ENTREP2: variants seen among roughly 807,000 people sequenced by gnomAD.
The protein encoded by ENTREP2 is endosomal transmembrane epsin interactor 2, also known as protein ENTREP2.
chr15:29,497,220 G>GT, the ENTREP2 span, among the ~76,000 whole-genome samples: 1 of 152,120 alleles, frequency 6.6e-6, no homozygotes, highest in African/African-American at 2.4e-5. Flanking sequence ...CTCCAAAACT[G>GT]TAAGAAATTA....
the ENTREP2 span, among the ~76,000 whole-genome samples, chr15:29,671,671 G>T: frequency 1.3e-5 from 2 of 152,134 alleles, no homozygotes; most frequent in East Asian, 1.9e-4. Context: ...TTACTCATCT[G>T]GGTCCCAATG....
the ENTREP2 span, among the ~76,000 whole-genome samples, chr15:29,318,289 G>A: frequency 6.6e-6 from 1 of 151,196 alleles, no homozygotes; most frequent in East Asian, 1.9e-4. Flanking sequence ...TAGCAATGAA[G>A]TATTTTTAAA....
chr15:29,540,569 C>T, the ENTREP2 span, among the ~76,000 whole-genome samples: 11 of 152,282 alleles, frequency 7.2e-5, no homozygotes, highest in East Asian at 9.7e-4. Flanking sequence ...GTAGACATAC[C>T]GCTAACTTTA....
At chr15:29,158,446 C>T in the ENTREP2 span, among the ~76,000 whole-genome samples, 2 of 148,046 alleles carry the variant, frequency 1.4e-5, no homozygotes, top group Non-Finnish European at 2.9e-5. Context: ...CACTCTTTCG[C>T]CCAGGCTGGA....
At chr15:29,249,977 C>T in the ENTREP2 span, among the ~76,000 whole-genome samples, 32 of 152,142 alleles carry the variant, frequency 2.1e-4, no homozygotes, top group African/African-American at 7.7e-4. Flanking sequence ...CCCTCACTAT[C>T]ATGAGGGCAG....
chr15:29,636,441 C>T, the ENTREP2 span, among the ~76,000 whole-genome samples: 23 of 152,174 alleles, frequency 1.5e-4, no homozygotes, highest in African/African-American at 3.6e-4. Flanking sequence ...CATCAGAGGC[C>T]GCCCTGCAGC....
the ENTREP2 span, among the ~76,000 whole-genome samples, chr15:29,643,736 G>A: frequency 6.6e-6 from 1 of 150,846 alleles, no homozygotes; most frequent in African/African-American, 2.4e-5. Context: ...AGCCAAGATG[G>A]GGCCACTGCA....
At chr15:29,357,102 A>C in the ENTREP2 span, among the ~76,000 whole-genome samples, 1 of 152,326 alleles carries the variant, frequency 6.6e-6, no homozygotes, top group South Asian at 2.1e-4. Context: ...TAAAAAACAG[A>C]TTCTAGTGCC....
At chr15:29,180,354 A>G in the ENTREP2 span, among the ~76,000 whole-genome samples, 1 of 152,202 alleles carries the variant, frequency 6.6e-6, no homozygotes. Context: ...ACTACAGTAC[A>G]ATTAAATTTG....
chr15:29,182,367 C>T, the ENTREP2 span, among the ~76,000 whole-genome samples: 2 of 151,958 alleles, frequency 1.3e-5, no homozygotes, highest in African/African-American at 4.8e-5. Flanking sequence ...CCTCGTGATC[C>T]GCCTGCCTCG....
At chr15:29,283,877 C>T in the ENTREP2 span, among the ~76,000 whole-genome samples, 33 of 152,182 alleles carry the variant, frequency 2.2e-4, 1 homozygote, top group South Asian at 6.9e-3. Flanking sequence ...CAACTTTTTC[C>T]ATTTAAAAAT....
the ENTREP2 span, among the ~76,000 whole-genome samples, chr15:29,135,161 C>G: frequency 1.8e-4 from 28 of 151,758 alleles, no homozygotes; most frequent in Non-Finnish European, 4.0e-4. The surrounding 1 kb of genome is among the most constrained non-coding windows in gnomAD (Gnocchi z 7.4). Context: ...CCTGCCCACG[C>G]CCTCTGCTCC....
chr15:29,488,423 C>A, the ENTREP2 span, among the ~76,000 whole-genome samples: 10 of 152,106 alleles, frequency 6.6e-5, no homozygotes, highest in East Asian at 1.9e-3. Flanking sequence ...GTATGAAATG[C>A]CATCAAGCAT....
At chr15:29,626,886 A>G in the ENTREP2 span, among the ~76,000 whole-genome samples, 5 of 152,132 alleles carry the variant, frequency 3.3e-5, no homozygotes, top group African/African-American at 4.8e-5. Flanking sequence ...TAAAACAAAT[A>G]CAATAAAAAA....
the ENTREP2 span, chr15:29,126,406 G>T: frequency 6.5e-7 from 1 of 1,549,120 alleles, no homozygotes; most frequent in South Asian, 1.2e-5. Context: ...AGGGTGCTGG[G>T]GCGCCCACAG....
the ENTREP2 span, among the ~76,000 whole-genome samples, chr15:29,155,709 G>A: frequency 6.6e-6 from 1 of 152,172 alleles, no homozygotes; most frequent in African/African-American, 2.4e-5. Context: ...CCTGGAAACT[G>A]TCTCAAGGCA....
At chr15:29,127,330 CAGTGG>C in the ENTREP2 span, among the ~76,000 whole-genome samples, 1 of 152,290 alleles carries the variant, frequency 6.6e-6, no homozygotes, top group Non-Finnish European at 1.5e-5. Flanking sequence ...CCTGGCGCCA[CAGTGG>C]AGTTGCCTGC....
the ENTREP2 span, among the ~76,000 whole-genome samples, chr15:29,425,199 G>GGTTT: frequency 7.5e-6 from 1 of 133,126 alleles, no homozygotes; most frequent in Non-Finnish European, 1.6e-5. Context: ...CAGGTTTTTT[G>GGTTT]TTTTTTTTTT....
At chr15:29,500,534 G>A in the ENTREP2 span, among the ~76,000 whole-genome samples, 2 of 151,964 alleles carry the variant, frequency 1.3e-5, no homozygotes, top group Non-Finnish European at 1.5e-5. Context: ...AAAATACTTT[G>A]AGATAAAATA....
Sources: allele counts gnomAD v4.1 joint callset (sites outside exome capture counted in the v4.1 genomes callset), GRCh38; gene constraint gnomAD v4.1.1; non-coding constraint Gnocchi (gnomAD v3.1); transcripts MANE v1.5; gene names NCBI Gene and HGNC (gene_info 2026-07-23, HGNC 2026-07-21).